The following RSRC1 variants were observed in gnomAD, a reference collection of about 807,000 sequenced individuals.
RSRC1 encodes serine/Arginine-related protein 53.
A neutral mutation model predicts 49.1 loss-of-function variants in RSRC1; 39 were observed. The ratio of observed to expected loss-of-function variants is 0.79; its 90% confidence interval spans 0.61 to 1.04. RSRC1 has a LOEUF of 1.04. RSRC1 is among the 50% of genes least tolerant of loss of function. The pLI, the probability that RSRC1 is intolerant of heterozygous loss-of-function variation, is 0.00. For synonymous variants in RSRC1, 143 were observed against 130.8 expected, an observed-to-expected ratio of 1.09 and a Z score of -0.63; for missense variants, 388 against 402.4, an observed-to-expected ratio of 0.96 and a Z score of 0.31.
intron 7 of RSRC1, among the ~76,000 whole-genome samples, chr3:158,487,661 T>TA (rs919992604): frequency 2.4e-4 from 36 of 151,916 alleles, no homozygotes; most frequent in African/African-American, 8.4e-4. Context: ...AGTGCCTGAA[T>TA]AAAAAACTGG....
At chr3:158,511,789 T>C (rs1404153844) in intron 7 of RSRC1, among the ~76,000 whole-genome samples, 2 of 151,906 alleles carry the variant, frequency 1.3e-5, no homozygotes, top group African/African-American at 2.4e-5. Context: ...CACCTGTTGT[T>C]TCCTAACTTT....
At chr3:158,259,495 A>G (rs1724768637) in intron 4 of RSRC1, among the ~76,000 whole-genome samples, 1 of 152,098 alleles carries the variant, frequency 6.6e-6, no homozygotes, top group Non-Finnish European at 1.5e-5. Context: ...CCTTCTGGCC[A>G]CCATTACAGG....
At chr3:158,332,067 A>G (rs1330717171) in intron 5 of RSRC1, among the ~76,000 whole-genome samples, 1 of 152,126 alleles carries the variant, frequency 6.6e-6, no homozygotes, top group Non-Finnish European at 1.5e-5. Context: ...GACTAGCAAG[A>G]AAGAGAGAGG....
At chr3:158,187,156 A>G (rs1391783918) in intron 3 of RSRC1, among the ~76,000 whole-genome samples, 1 of 151,946 alleles carries the variant, frequency 6.6e-6, no homozygotes. Flanking sequence ...ACAAAACAAA[A>G]CAGCTGTCCC....
intron 6 of RSRC1, among the ~76,000 whole-genome samples, chr3:158,396,590 T>A (rs1380600205): frequency 1.3e-5 from 2 of 152,118 alleles, no homozygotes; most frequent in African/African-American, 2.4e-5. Flanking sequence ...ACAATATTTT[T>A]AAGTCAGTGT....
At chr3:158,422,633 T>A (rs1735144110) in intron 6 of RSRC1, among the ~76,000 whole-genome samples, 1 of 150,516 alleles carries the variant, frequency 6.6e-6, no homozygotes, top group Non-Finnish European at 1.5e-5. Flanking sequence ...TAGTTCTAGA[T>A]CCCTGAGGAA....
intron 7 of RSRC1, among the ~76,000 whole-genome samples, chr3:158,487,436 C>T (rs1450223885): frequency 2.0e-5 from 3 of 152,118 alleles, no homozygotes; most frequent in Admixed American, 1.3e-4. Flanking sequence ...TTACAATTAA[C>T]GTCATCTTAA....
intron 8 of RSRC1, among the ~76,000 whole-genome samples, chr3:158,542,013 G>C (rs1713056697): frequency 6.6e-6 from 1 of 151,994 alleles, no homozygotes; most frequent in South Asian, 2.1e-4. Flanking sequence ...TTTGCATGAT[G>C]GTATAAGAAA....
At chr3:158,201,557 T>G (rs1721046721) in intron 3 of RSRC1, among the ~76,000 whole-genome samples, 1 of 152,170 alleles carries the variant, frequency 6.6e-6, no homozygotes, top group East Asian at 1.9e-4. Context: ...TTTTTCCTCT[T>G]AATTCTTCAT....
intron 3 of RSRC1, among the ~76,000 whole-genome samples, chr3:158,172,713 G>T (rs560015830): frequency 1.6e-4 from 24 of 152,076 alleles, no homozygotes; most frequent in Non-Finnish European, 3.2e-4. Context: ...CATCTTTTAG[G>T]ATGTTTACTT....
intron 4 of RSRC1, among the ~76,000 whole-genome samples, chr3:158,284,885 C>A (rs1286440722): frequency 4.0e-5 from 6 of 151,462 alleles, no homozygotes; most frequent in Admixed American, 6.6e-5. Flanking sequence ...TGTGCAGAAG[C>A]TCTTTAGTTT....
chr3:158,478,857 A>G (rs953573842), intron 7 of RSRC1, among the ~76,000 whole-genome samples: 24 of 151,862 alleles, frequency 1.6e-4, no homozygotes, highest in Non-Finnish European at 5.9e-5. Flanking sequence ...GGTGTTTACT[A>G]AAAGAAATAT....
chr3:158,195,110 A>C (rs1303468990), intron 3 of RSRC1, among the ~76,000 whole-genome samples: 4 of 152,214 alleles, frequency 2.6e-5, no homozygotes, highest in Non-Finnish European at 5.9e-5. Context: ...TTACAGTCCC[A>C]CCAACAGTGT....
At chr3:158,291,938 A>T (rs1726960469) in intron 4 of RSRC1, among the ~76,000 whole-genome samples, 1 of 152,238 alleles carries the variant, frequency 6.6e-6, no homozygotes, top group Non-Finnish European at 1.5e-5. Flanking sequence ...CGTAGAGTAT[A>T]TTTCTTTTGG....
chr3:158,224,961 A>G (rs1347356633), intron 4 of RSRC1, among the ~76,000 whole-genome samples: 3 of 151,890 alleles, frequency 2.0e-5, no homozygotes, highest in African/African-American at 7.2e-5. Context: ...ATGCCTATAA[A>G]TATTGTGATA....
At chr3:158,229,924 A>G (rs995800468) in intron 4 of RSRC1, among the ~76,000 whole-genome samples, 3 of 152,044 alleles carry the variant, frequency 2.0e-5, no homozygotes, top group African/African-American at 7.2e-5. Flanking sequence ...ACATTTGTAC[A>G]ATATGATTTT....
At chr3:158,115,159 T>C (rs562236318) in intron 1 of RSRC1, among the ~76,000 whole-genome samples, 1 of 152,328 alleles carries the variant, frequency 6.6e-6, no homozygotes, top group South Asian at 2.1e-4. Context: ...CTTGTTATTT[T>C]GAGGTATGTT....
chr3:158,186,241 A>T (rs950712355), intron 3 of RSRC1, among the ~76,000 whole-genome samples: 1 of 152,014 alleles, frequency 6.6e-6, no homozygotes, highest in Non-Finnish European at 1.5e-5. Flanking sequence ...AGATTTTCTC[A>T]AACTTGTTTA....
chr3:158,290,448 AT>A (rs1023392128), intron 4 of RSRC1, among the ~76,000 whole-genome samples: 3 of 151,168 alleles, frequency 2.0e-5, no homozygotes, highest in East Asian at 3.9e-4. Flanking sequence ...AATTTTTTGT[AT>A]TTTTTTTAGT....
Sources: gnomAD v4.1 joint callset for allele counts (sites outside exome capture counted in the v4.1 genomes callset) on GRCh38, gnomAD v4.1.1 for gene constraint, MANE v1.5 for transcripts, NCBI Gene and HGNC (gene_info 2026-07-23, HGNC 2026-07-21) for gene names.